The following ZMYND11 variants were observed in gnomAD, a reference collection of about 807,000 sequenced individuals.
The protein encoded by ZMYND11 is zinc finger MYND domain-containing protein 11.
In ZMYND11, 9 loss-of-function variants were observed where a neutral mutation model predicts 84.9. The observed-to-expected ratio is 0.11, with a 90% CI of 0.06 to 0.18. The LOEUF (loss-of-function observed/expected upper bound fraction) is 0.18. Among genes scored for constraint, ZMYND11 ranks in the 10% least tolerant of loss-of-function variants. The pLI is 1.00. For synonymous variants in ZMYND11, 250 were observed against 244.1 expected, an observed-to-expected ratio of 1.02 and a Z score of -0.23; for missense variants, 409 against 761.0, an observed-to-expected ratio of 0.54 and a Z score of 5.44.
At chr10:220,944 A>G (rs982525469) in intron 3 of ZMYND11, among the ~76,000 whole-genome samples, 1 of 152,216 alleles carries the variant, frequency 6.6e-6, no homozygotes, top group African/African-American at 2.4e-5. Flanking sequence ...GGCTTTGGAC[A>G]TACTTCATTT....
chr10:145,542 A>C (rs1033592968), intron 1 of ZMYND11, among the ~76,000 whole-genome samples: 1 of 152,148 alleles, frequency 6.6e-6, no homozygotes, highest in African/African-American at 2.4e-5. Context: ...TTTTCTCCGC[A>C]TCCATGCCAA....
rs548238672 is a variant in ZMYND11, at chr10:225,282, C to T, written c.438+3926C>T. Among the ~76,000 whole-genome samples the T allele has an allele frequency of 5.9e-5, 9 of 152,308 alleles. 1 individual carries two copies. In the South Asian group the frequency reaches 1.7e-3, roughly 28 times the overall value. ...ATTATACCCATGTACATCAACAGCACATGAAACTATTTGTCAATTTTTTGT... is the reference window on the plus strand; with the variant it reads ...ATTATACCCATGTACATCAACAGCATATGAAACTATTTGTCAATTTTTTGT... On this transcript the variant is annotated intron_variant, in intron 4 of 14. Transcript: ENST00000381604.
intron 4 of ZMYND11, among the ~76,000 whole-genome samples, chr10:230,536 TG>T (rs1017403983): frequency 7.0e-6 from 1 of 142,172 alleles, no homozygotes; most frequent in Non-Finnish European, 1.5e-5. Context: ...AGACAGGCTC[TG>T]GGGGGTAAGG....
chr10:151,430 G>A (rs1310406970), intron 1 of ZMYND11, among the ~76,000 whole-genome samples: 2 of 152,164 alleles, frequency 1.3e-5, no homozygotes, highest in African/African-American at 4.8e-5. Context: ...ACAAGCTTCA[G>A]TAGCCAATTC....
At chr10:174,166 G>A (rs1437905860) in intron 1 of ZMYND11, among the ~76,000 whole-genome samples, 1 of 152,162 alleles carries the variant, frequency 6.6e-6, no homozygotes, top group African/African-American at 2.4e-5. Context: ...CCTCGAGTAG[G>A]TGAATGGATG....
intron 2 of ZMYND11, among the ~76,000 whole-genome samples, chr10:203,728 T>C (rs534061250): frequency 1.3e-5 from 2 of 152,274 alleles, no homozygotes; most frequent in African/African-American, 4.8e-5. Context: ...TAGATACAAA[T>C]GAAATTCCAA....
chr10:158,140 G>T (rs1446878106), intron 1 of ZMYND11, among the ~76,000 whole-genome samples: 2 of 152,078 alleles, frequency 1.3e-5, no homozygotes, highest in Non-Finnish European at 2.9e-5. Flanking sequence ...GGACATTTGG[G>T]TTTTTTCCAC....
At chr10:243,717 T>G (rs1224455046) in intron 10 of ZMYND11, among the ~76,000 whole-genome samples, 1 of 152,136 alleles carries the variant, frequency 6.6e-6, no homozygotes, top group Non-Finnish European at 1.5e-5. Flanking sequence ...TATGAAAAAT[T>G]AGCCATGCGT....
chr10:169,287 A>G (rs1474327575), intron 1 of ZMYND11, among the ~76,000 whole-genome samples: 1 of 152,108 alleles, frequency 6.6e-6, no homozygotes, highest in African/African-American at 2.4e-5. Context: ...ATTGAATCTA[A>G]TCATAGGACT....
chr10:249,600 A>G (rs1545003), intron 14 of ZMYND11: 958,177 of 985,330 alleles, frequency 0.97, 466,186 homozygotes, highest in Non-Finnish European at 0.98. Flanking sequence ...CCTGACTAGT[A>G]TCATTTGTCA....
At chr10:139,704 CTTTTT>C (rs67915368) in intron 1 of ZMYND11, among the ~76,000 whole-genome samples, 1 of 80,238 alleles carries the variant, frequency 1.2e-5, no homozygotes, top group South Asian at 5.9e-4. Flanking sequence ...ACACATGGTC[CTTTTT>C]TTTTTTTTTT....
intron 2 of ZMYND11, among the ~76,000 whole-genome samples, chr10:190,519 C>T (rs1940078622): frequency 6.6e-6 from 1 of 152,314 alleles, no homozygotes; most frequent in Non-Finnish European, 1.5e-5. Flanking sequence ...TATCTCCTGA[C>T]ACCTTTAAGT....
At chr10:218,446 T>A (rs980760784) in intron 3 of ZMYND11, 1 of 310,262 alleles carries the variant, frequency 3.2e-6, no homozygotes, top group Non-Finnish European at 6.7e-6. Flanking sequence ...TTTGTTTTTA[T>A]TTTGAAAGGC....
intron 4 of ZMYND11, among the ~76,000 whole-genome samples, chr10:233,234 A>T (rs1949314410): frequency 6.6e-6 from 1 of 152,178 alleles, no homozygotes; most frequent in African/African-American, 2.4e-5. Flanking sequence ...AAATTCACAC[A>T]TACACTGACA....
intron 1 of ZMYND11, among the ~76,000 whole-genome samples, chr10:143,723 C>T (rs782703547): frequency 6.6e-6 from 1 of 152,046 alleles, no homozygotes; most frequent in Non-Finnish European, 1.5e-5. Context: ...TATTAAAGTA[C>T]CAGAGATCTT....
At chr10:247,906 T>A (rs1466285814) in intron 12 of ZMYND11, among the ~76,000 whole-genome samples, 1 of 152,196 alleles carries the variant, frequency 6.6e-6, no homozygotes, top group Non-Finnish European at 1.5e-5. Context: ...AAACTGTAAA[T>A]CTGGGCACAT....
In ZMYND11 at chr10:237,689, T is replaced by G; in HGVS notation, c.609+12T>G. ...CCACCATTCAAGAGGTAAAGTCGGT[T>G]TCTTTTATTTCCACTTCAAGTACAT... On this transcript the variant is annotated intron_variant, in intron 6 of 14. Coordinates refer to ENST00000381604, the MANE Select transcript of ZMYND11 (RefSeq NM_001370100.5). The G allele has an allele frequency of 6.3e-7, 1 of 1,585,938 alleles. No homozygotes were observed. The highest frequency in any genetic ancestry group is 8.6e-7 in the Non-Finnish European group (1 of 1,163,804).
At chr10:209,593 A>C (rs1302454434) in intron 2 of ZMYND11, among the ~76,000 whole-genome samples, 1 of 152,220 alleles carries the variant, frequency 6.6e-6, no homozygotes, top group African/African-American at 2.4e-5. Context: ...GTTTGACTAC[A>C]GTCTCTTAAG....
intron 3 of ZMYND11, among the ~76,000 whole-genome samples, chr10:217,415 T>C (rs1016507599): frequency 1.3e-5 from 2 of 151,088 alleles, no homozygotes; most frequent in African/African-American, 2.4e-5. Context: ...TCCAGCTACT[T>C]GGGAAGCTGA....
Sources: allele counts gnomAD v4.1 joint callset (sites outside exome capture counted in the v4.1 genomes callset), GRCh38; gene constraint gnomAD v4.1.1; transcripts MANE v1.5; gene names NCBI Gene and HGNC (gene_info 2026-07-23, HGNC 2026-07-21).